BTBD3: variants seen among roughly 807,000 people sequenced by gnomAD.
BTBD3 encodes BTB domain containing 3.
Under a neutral mutation model 41.6 loss-of-function variants are expected in BTBD3, and 14 were observed. The observed-to-expected ratio is 0.34, with a 90% CI of 0.22 to 0.53. The LOEUF is 0.53. BTBD3 is among the 20% of genes least tolerant of loss of function. BTBD3 has a pLI of 0.95. For missense variants in BTBD3, 426 were observed against 654.7 expected (o/e 0.65, Z 3.81); for synonymous variants, 249 against 233.7 (o/e 1.07, Z -0.60).
chr20:11,919,003 G>A, intron 1 of BTBD3, 83 bp from the exon 2 acceptor site: 1 of 1,025,034 alleles, frequency 9.8e-7, no homozygotes, highest in Non-Finnish European at 1.5e-6. Context: ...TAGCTTGCAA[G>A]TCTTTTGTGG....
chr20:11,892,081 T>C (rs939525943), intron 1 of BTBD3, among the ~76,000 whole-genome samples: 1 of 152,196 alleles, frequency 6.6e-6, no homozygotes, highest in African/African-American at 2.4e-5. Flanking sequence ...AGTTTGTAAT[T>C]GGTGAGATGA....
chr20:11,901,581 A>T (rs2056823925), intron 1 of BTBD3, among the ~76,000 whole-genome samples: 1 of 152,302 alleles, frequency 6.6e-6, no homozygotes, highest in South Asian at 2.1e-4. Context: ...AATACCATTC[A>T]ATAAGTATTT....
At chr20:11,904,148 G>T (rs1286127315) in intron 1 of BTBD3, among the ~76,000 whole-genome samples, 1 of 152,178 alleles carries the variant, frequency 6.6e-6, no homozygotes, top group Non-Finnish European at 1.5e-5. Flanking sequence ...AGCTACCTGA[G>T]ACTGTTTAAT....
At chr20:11,910,898 A>G (rs893020989) in intron 1 of BTBD3, among the ~76,000 whole-genome samples, 9 of 152,238 alleles carry the variant, frequency 5.9e-5, no homozygotes, top group Non-Finnish European at 8.8e-5. Flanking sequence ...TTGTCATAGT[A>G]GCAGTCTCAA....
At chr20:11,905,427 G>C (rs1240199205) in intron 1 of BTBD3, among the ~76,000 whole-genome samples, 2 of 152,146 alleles carry the variant, frequency 1.3e-5, no homozygotes, top group Admixed American at 1.3e-4. Flanking sequence ...TATTTTAAAA[G>C]TGTTTACTCA....
chr20:11,916,880 C>G (rs1163257945), upstream of BTBD3, among the ~76,000 whole-genome samples: 1 of 152,024 alleles, frequency 6.6e-6, no homozygotes, highest in Non-Finnish European at 1.5e-5. Flanking sequence ...ATATGCAGAA[C>G]CTATTGCCGG....
At chr20:11,919,996 C>T (rs1354098949) in intron 3 of BTBD3, among the ~76,000 whole-genome samples, 160 bp downstream of exon 3, 1 of 152,184 alleles carries the variant, frequency 6.6e-6, no homozygotes, top group Non-Finnish European at 1.5e-5. Context: ...AACACTTTAG[C>T]TTTCCGTGGA....
At chr20:11,918,874 A>C (rs2056941250) in intron 1 of BTBD3, 1 of 572,268 alleles carries the variant, frequency 1.7e-6, no homozygotes, top group Non-Finnish European at 3.0e-6. Context: ...AGCTTTATTA[A>C]AAGTTTGTAT....
intron 3 of BTBD3, among the ~76,000 whole-genome samples, chr20:11,922,360 G>A (rs2056977358): frequency 6.6e-6 from 1 of 152,128 alleles, no homozygotes; most frequent in African/African-American, 2.4e-5. Context: ...AATAGCTTCT[G>A]TTTTGTTGAG....
At chr20:11,896,284 C>G (rs1353523508) in intron 1 of BTBD3, among the ~76,000 whole-genome samples, 1 of 152,082 alleles carries the variant, frequency 6.6e-6, no homozygotes, top group African/African-American at 2.4e-5. Flanking sequence ...TTGTGATGGG[C>G]TCTTCAAATT....
At position 11,926,422 on chromosome 20, in the gene BTBD3, C is replaced by G. The variant is rs1031205763; in HGVS notation, c.*2756C>G. ...CAAGACACTGTAGCCACTTGTGCATCAGTGTGCTTGAATTTAGTAGCTTAC... is the reference window on the plus strand; with the variant it reads ...CAAGACACTGTAGCCACTTGTGCATGAGTGTGCTTGAATTTAGTAGCTTAC... On this transcript the variant is annotated 3_prime_UTR_variant, in exon 4 of 4. Transcript: ENST00000378226. 6.6e-6 allele frequency: 1 copy of G among 152,600 alleles called. No individual in the cohort carries two copies. Among genetic ancestry groups the G allele is most frequent in the African/African-American group, 2.4e-5 (1 of 41,424 alleles). The allele number at this position is 152,600 out of a possible 1,614,324, so 9.5% of individuals were successfully genotyped here.
chr20:11,917,800 A>T, upstream of BTBD3: 1 of 415,392 alleles, frequency 2.4e-6, no homozygotes, highest in Non-Finnish European at 3.3e-6. Flanking sequence ...TGCTTGGTCC[A>T]ATCATGATTG....
upstream of BTBD3, among the ~76,000 whole-genome samples, chr20:11,916,588 T>C (rs900418801): frequency 2.0e-5 from 3 of 152,214 alleles, no homozygotes; most frequent in African/African-American, 7.2e-5. Context: ...ATTTCTTGGT[T>C]CAATTTAGTG....
intron 1 of BTBD3, among the ~76,000 whole-genome samples, chr20:11,905,652 C>T (rs1261741268): frequency 6.6e-6 from 1 of 152,164 alleles, no homozygotes; most frequent in African/African-American, 2.4e-5. Flanking sequence ...GCTCCTTTGG[C>T]ACTGTTCACT....
intron 3 of BTBD3, among the ~76,000 whole-genome samples, chr20:11,921,839 G>A (rs2056972320): frequency 6.6e-6 from 1 of 152,296 alleles, no homozygotes; most frequent in African/African-American, 2.4e-5. Context: ...AGAAGCAGAT[G>A]ATGACTACCT....
At chr20:11,916,888 C>CGGTGT (rs2056921881), upstream of BTBD3, among the ~76,000 whole-genome samples, 1 of 151,966 alleles carries the variant, frequency 6.6e-6, no homozygotes. Context: ...AACCTATTGC[C>CGGTGT]GGTGTTTTTG....
chr20:11,893,742 GA>G (rs1363863461), intron 1 of BTBD3, among the ~76,000 whole-genome samples: 1 of 152,094 alleles, frequency 6.6e-6, no homozygotes, highest in Non-Finnish European at 1.5e-5. Flanking sequence ...AAAAAATTAA[GA>G]AAGTAAAAAT....
At chr20:11,911,499 G>A (rs2056889303) in intron 1 of BTBD3, among the ~76,000 whole-genome samples, 1 of 152,106 alleles carries the variant, frequency 6.6e-6, no homozygotes, top group Non-Finnish European at 1.5e-5. Flanking sequence ...GCTTCCCTGG[G>A]CCATGTTGGA....
upstream of BTBD3, among the ~76,000 whole-genome samples, chr20:11,916,888 C>T (rs548204266): frequency 4.6e-5 from 7 of 152,078 alleles, no homozygotes; most frequent in East Asian, 1.9e-4. Flanking sequence ...AACCTATTGC[C>T]GGTGTTTTTG....
Sources: gnomAD v4.1 joint callset for allele counts (sites outside exome capture counted in the v4.1 genomes callset) on GRCh38, gnomAD v4.1.1 for gene constraint, MANE v1.5 for transcripts, NCBI Gene and HGNC (gene_info 2026-07-23, HGNC 2026-07-21) for gene names.